The following UCK2 variants were observed in gnomAD, a reference collection of about 807,000 sequenced individuals.
UCK2 encodes the protein cytidine monophosphokinase 2.
UCK2 carries 6 observed loss-of-function variants against 30.8 expected under a neutral mutation model. That is an observed-to-expected ratio of 0.19 (90% confidence interval 0.11 to 0.38). The LOEUF (loss-of-function observed/expected upper bound fraction) is 0.38. Ranked by LOEUF, UCK2 falls within the 10% of genes least tolerant of loss-of-function variation. The probability of loss-of-function intolerance (pLI) is 1.00; values close to 1 mark genes in which losing one functional copy is unlikely to be tolerated. For synonymous variants in UCK2, 125 were observed against 133.6 expected (o/e 0.94, Z 0.45); for missense variants, 210 against 339.8 (o/e 0.62, Z 3.00).
intron 1 of UCK2, among the ~76,000 whole-genome samples, chr1:165,856,246 T>A (rs1654742371): frequency 6.6e-6 from 1 of 152,160 alleles, no homozygotes. Context: ...TAGCCAGTGC[T>A]TGAATCTTCT....
At chr1:165,867,045 T>C (rs147517419) in intron 1 of UCK2, among the ~76,000 whole-genome samples, 1 of 152,334 alleles carries the variant, frequency 6.6e-6, no homozygotes, top group African/African-American at 2.4e-5. Context: ...ACACAATTTT[T>C]TGTTTCTTTT....
intron 1 of UCK2, among the ~76,000 whole-genome samples, chr1:165,874,044 T>C (rs1342239238): frequency 6.6e-6 from 1 of 152,224 alleles, no homozygotes; most frequent in East Asian, 1.9e-4. Context: ...TTACCAGTAA[T>C]TGCAGTCCTC....
At chr1:165,856,734 T>C (rs1654755082) in intron 1 of UCK2, among the ~76,000 whole-genome samples, 1 of 152,178 alleles carries the variant, frequency 6.6e-6, no homozygotes, top group South Asian at 2.1e-4. Flanking sequence ...TCTTCAGTCT[T>C]AGGCTTATCC....
At chr1:165,843,740 TA>T (rs1654382885) in intron 1 of UCK2, among the ~76,000 whole-genome samples, 1 of 152,188 alleles carries the variant, frequency 6.6e-6, no homozygotes, top group Non-Finnish European at 1.5e-5. Context: ...ACCCTGTCTC[TA>T]AAAAACAGGA....
intron 3 of UCK2, 154 bp from the exon 4 acceptor site, chr1:165,896,036 T>C: frequency 1.0e-6 from 1 of 969,646 alleles, no homozygotes; most frequent in Non-Finnish European, 1.5e-6. Context: ...CCGAGGGCTC[T>C]GTAAGACCAT....
At chr1:165,843,457 A>C (rs549562413) in intron 1 of UCK2, among the ~76,000 whole-genome samples, 32 of 152,268 alleles carry the variant, frequency 2.1e-4, no homozygotes, top group African/African-American at 7.5e-4. Context: ...CAGGCTTTTA[A>C]CTTACTAAAA....
intron 1 of UCK2, among the ~76,000 whole-genome samples, chr1:165,856,223 C>G (rs980707097): frequency 4.6e-5 from 7 of 151,880 alleles, no homozygotes; most frequent in African/African-American, 1.7e-4. Context: ...GCTCACACAG[C>G]TAATCAGTGG....
intron 1 of UCK2, among the ~76,000 whole-genome samples, chr1:165,865,524 G>A (rs997655217): frequency 1.3e-5 from 2 of 152,080 alleles, no homozygotes; most frequent in Non-Finnish European, 2.9e-5. Context: ...GACAATTGAT[G>A]TTCTTTGTCA....
chr1:165,836,193 A>G (rs1654184084), intron 1 of UCK2, among the ~76,000 whole-genome samples: 1 of 151,760 alleles, frequency 6.6e-6, no homozygotes. Flanking sequence ...GCACCACTAC[A>G]CTCCAGCCTG....
intron 1 of UCK2, among the ~76,000 whole-genome samples, chr1:165,831,226 C>G (rs1056377364): frequency 2.6e-5 from 4 of 152,042 alleles, no homozygotes; most frequent in African/African-American, 4.8e-5. Context: ...GAGAGAGACC[C>G]CGTCTCTACG....
In UCK2 at chr1:165,827,725, C is replaced by T; in HGVS notation, c.-109C>T. 9.5e-7 allele frequency: 1 copy of T among 1,048,236 alleles called. No homozygotes were observed. Among genetic ancestry groups the T allele is most frequent in the Non-Finnish European group, 1.2e-6 (1 of 807,100 alleles). 64.9% of individuals were successfully genotyped at this position (1,048,236 alleles called of 1,614,324 possible). On this transcript the variant is annotated 5_prime_UTR_variant, in exon 1 of 7. Transcript: ENST00000367879. ...CAGGCGAGCGACAGCGGCCTCAGCC[C>T]CGGCAGCGCCCAGCGGCGGCTGCGG...
rs547120707 is a variant in UCK2 at position 165,904,915 on chromosome 1, T to C, written c.598-1006T>C. ...AAAAGAAAAAAGAAATATGCCTCTT[T>C]GTGGCCTGACTTTCTTTCTTTAAAA... is the stretch of plus-strand genomic sequence containing the variant. On this transcript the variant is annotated intron_variant, in intron 5 of 6. Transcript: ENST00000367879. Among the ~76,000 whole-genome samples the C allele has an allele frequency of 1.6e-4, 25 of 152,356 alleles. No individual in the cohort carries two copies. The South Asian group carries it at 4.8e-3, about 29-fold the overall frequency.
At chr1:165,873,460 A>G (rs764656009) in intron 1 of UCK2, among the ~76,000 whole-genome samples, 6 of 152,190 alleles carry the variant, frequency 3.9e-5, no homozygotes, top group Non-Finnish European at 8.8e-5. Context: ...TGTTTTACCT[A>G]CTTGTACTTT....
chr1:165,869,299 T>C (rs1315477531), intron 1 of UCK2, among the ~76,000 whole-genome samples: 3 of 152,092 alleles, frequency 2.0e-5, no homozygotes, highest in Non-Finnish European at 2.9e-5. Flanking sequence ...ATTGGAAAAA[T>C]GGTATTAACA....
At chr1:165,905,225 G>T (rs917104273) in intron 5 of UCK2, among the ~76,000 whole-genome samples, 1 of 152,236 alleles carries the variant, frequency 6.6e-6, no homozygotes, top group Admixed American at 6.5e-5. Flanking sequence ...GCTCACGCCT[G>T]TAATCCTGGG....
At chr1:165,844,750 C>T (rs373144416) in intron 1 of UCK2, among the ~76,000 whole-genome samples, 1 of 152,076 alleles carries the variant, frequency 6.6e-6, no homozygotes, top group Non-Finnish European at 1.5e-5. Flanking sequence ...GCGTATGTAA[C>T]GAAGTTTTCA....
At chr1:165,842,907 G>A (rs1377970327) in intron 1 of UCK2, among the ~76,000 whole-genome samples, 3 of 152,114 alleles carry the variant, frequency 2.0e-5, no homozygotes, top group Non-Finnish European at 4.4e-5. Context: ...AGCACTTCCA[G>A]TTCCCAGCTC....
chr1:165,853,795 T>C (rs1039190248), intron 1 of UCK2, among the ~76,000 whole-genome samples: 1 of 152,182 alleles, frequency 6.6e-6, no homozygotes, highest in African/African-American at 2.4e-5. Flanking sequence ...ATCTCCCTTC[T>C]TGAGTATTTC....
chr1:165,880,561 T>G (rs941973607), intron 1 of UCK2, among the ~76,000 whole-genome samples: 109 of 77,712 alleles, frequency 1.4e-3, no homozygotes, highest in African/African-American at 4.4e-3. Context: ...TCAGTTTTTT[T>G]TGGGGGTGTG....
Sources: allele counts gnomAD v4.1 joint callset (sites outside exome capture counted in the v4.1 genomes callset), GRCh38; gene constraint gnomAD v4.1.1; transcripts MANE v1.5; gene names NCBI Gene and HGNC (gene_info 2026-07-23, HGNC 2026-07-21).